The following IRX4 variants were observed in gnomAD, a reference collection of about 807,000 sequenced individuals.
IRX4 encodes iroquois homeobox 4.
A neutral mutation model predicts 32.0 loss-of-function variants in IRX4; 22 were observed. The ratio of observed to expected loss-of-function variants is 0.69; its 90% CI spans 0.49 to 0.98. IRX4 has a LOEUF of 0.98. Ranked by LOEUF, IRX4 falls within the 50% of genes least tolerant of loss-of-function variation. IRX4 has a pLI of 0.00. For synonymous variants in IRX4, 379 were observed against 351.7 expected (o/e 1.08, Z -0.87); for missense variants, 840 against 744.2 (o/e 1.13, Z -1.50).
Position 1,878,131 on chromosome 5 carries a change from G to T in IRX4, c.1398C>A (p.Asp466Glu). The change falls in exon 5 of 5, where the codon GAC (aspartate) becomes GAA (glutamate). Residue 466 changes from aspartate (D) to glutamate (E), a missense_variant. By Grantham distance (45) the Asp-to-Glu change is conservative. Coordinates refer to ENST00000231357, the MANE Select transcript of IRX4 (RefSeq NM_016358.3). Reference protein sequence around the residue: ...AWATAKGALLDPGPLGRSLGA... With the variant: ...AWATAKGALLEPGPLGRSLGA... ...CCAGCGAGCGTCCCAGAGGCCCGGG[G>T]TCCAGGAGGGCGCCCTTGGCGGTGG... 5 of 1,550,464 alleles carry T rather than the reference G, an allele frequency of 3.2e-6. No homozygotes were observed. Among genetic ancestry groups the T allele is most frequent in the Non-Finnish European group, 4.3e-6 (5 of 1,153,332 alleles).
chr5:1,878,394 C>A lies in IRX4; in HGVS notation c.1135G>T (p.Ala379Ser), dbSNP rs1735287244. Residue 379 changes from alanine (A) to serine (S), a missense_variant, in exon 5 of 5, where the codon GCC becomes TCC. By Grantham distance (99) the Ala-to-Ser change is moderately conservative. Around this residue, in one of 3 missense-constraint regions of IRX4, gnomAD observed 585 missense variants for 488.0 expected, o/e 1.20. Transcript: ENST00000231357. ...TGGCTCAGGGAGGTGGCGGCGGCGG[C>A]GGCGGCGGTGGCTGTGTGGGCCAGG... ...WSLAHTATAA[A>S]AAATSLSQTE... The A allele has an allele frequency of 6.5e-7, 1 of 1,527,168 alleles. No individual in the cohort carries two copies. The highest frequency in any genetic ancestry group is 8.8e-7 in the Non-Finnish European group (1 of 1,140,994). 94.6% of individuals were successfully genotyped at this position (1,527,168 alleles called of 1,614,324 possible).
chr5:1,879,411 C>T lies in IRX4; in HGVS notation c.736+93G>A, dbSNP rs140474834. 3.6e-5 allele frequency: 57 copies of T among 1,574,980 alleles called. No homozygotes were observed. In the South Asian group the frequency reaches 5.4e-4, roughly 15 times the overall value. On this transcript the variant is annotated intron_variant, in intron 4 of 4. Coordinates refer to ENST00000231357, the MANE Select transcript of IRX4 (RefSeq NM_016358.3). ...GTGACCGCCTAGGCATGGGGCTCGG[C>T]GTTTGGGACCCCCAAGACGTCCTAG...
At chr5:1,879,853 G>T in intron 3 of IRX4, 21 bp from the exon 4 acceptor site, 1 of 1,612,650 alleles carries the variant, frequency 6.2e-7, no homozygotes, top group Non-Finnish European at 8.5e-7. Flanking sequence ...GCTCTGCAAT[G>T]GGCTCAGGCT....
intron 2 of IRX4, 35 bp downstream of exon 2, chr5:1,881,772 CA>C (rs770280728): frequency 6.4e-7 from 1 of 1,561,608 alleles, no homozygotes; most frequent in South Asian, 1.2e-5. Flanking sequence ...AATCGAGGGC[CA>C]GGGGCAGGGC....
chr5:1,878,565 T>G lies in IRX4; in HGVS notation c.964A>C (p.Arg322=). Residue 322 remains arginine, a synonymous_variant, in exon 5 of 5, where the codon AGG becomes CGG. Transcript: ENST00000231357. ...GGAALDEDLE[R]ARSCLRSAAA... ...GCGCTGCGGAGACAGCTCCGGGCCCTCTCCAGGTCCTCGTCCAGAGCAGCT... is the reference window on the plus strand; with the variant it reads ...GCGCTGCGGAGACAGCTCCGGGCCCGCTCCAGGTCCTCGTCCAGAGCAGCT... The G allele has an allele frequency of 6.5e-7, 1 of 1,543,878 alleles. No individual in the cohort carries two copies. The highest frequency in any genetic ancestry group is 1.2e-5 in the South Asian group (1 of 83,952).
At chr5:1,878,865 C>A in intron 4 of IRX4, 73 bp from the exon 5 acceptor site, 1 of 1,486,812 alleles carries the variant, frequency 6.7e-7, no homozygotes, top group Admixed American at 1.7e-5. Flanking sequence ...CCCCGTCCAC[C>A]ATTATGAGGC....
chr5:1,881,713 T>A, intron 2 of IRX4, 95 bp downstream of exon 2: 3 of 1,472,264 alleles, frequency 2.0e-6, no homozygotes, highest in Non-Finnish European at 2.8e-6. Flanking sequence ...TCTGTGACAG[T>A]CCGGGGACCC....
At chr5:1,886,076 A>G (rs1170026991), upstream of IRX4, among the ~76,000 whole-genome samples, 1 of 152,246 alleles carries the variant, frequency 6.6e-6, no homozygotes, top group Non-Finnish European at 1.5e-5. Context: ...CAGGGGAGGC[A>G]GGGGATGGTC....
chr5:1,880,376 G>C (rs1368062581), intron 3 of IRX4, among the ~76,000 whole-genome samples: 7 of 152,236 alleles, frequency 4.6e-5, no homozygotes, highest in Non-Finnish European at 1.0e-4. Flanking sequence ...TGTAGGGGCA[G>C]TGTGGACACT....
At position 1,879,613 on chromosome 5, in the gene IRX4, C is replaced by T; in HGVS notation, c.627G>A (p.Pro209=). 4 of 1,614,052 alleles carry T rather than the reference C, an allele frequency of 2.5e-6. No homozygotes were observed. Among genetic ancestry groups the T allele is most frequent in the South Asian group, 1.1e-5 (1 of 91,090 alleles). Residue 209 remains proline (P), a synonymous_variant, in exon 4 of 5, where the codon CCG becomes CCA. Transcript: ENST00000231357. ...TCTCGTCTGCGCACTTGTTCCGCGGCGGCCACGTCATCTTGTTCTCCTTCT... is the reference window on the plus strand; with the variant it reads ...TCTCGTCTGCGCACTTGTTCCGCGGTGGCCACGTCATCTTGTTCTCCTTCT... ...RLKKENKMTW[P]PRNKCADEKR...
intron 4 of IRX4, 54 bp downstream of exon 4, chr5:1,879,450 G>A: frequency 6.2e-7 from 1 of 1,611,752 alleles, no homozygotes; most frequent in South Asian, 1.1e-5. Flanking sequence ...CGCAGAGAAG[G>A]CACTGTGCCT....
intron 2 of IRX4, chr5:1,881,169 G>A (rs1364489939): frequency 2.5e-6 from 1 of 392,514 alleles, no homozygotes; most frequent in Non-Finnish European, 4.8e-6. Context: ...GGGGCAGCTG[G>A]GAGAAGGAGT....
Position 1,877,861 on chromosome 5 carries a change from T to G in IRX4, c.*108A>C. 2 of 1,045,436 alleles carry G rather than the reference T, an allele frequency of 1.9e-6. No individual in the cohort carries two copies. Among genetic ancestry groups the G allele is most frequent in the Non-Finnish European group, 2.7e-6 (2 of 732,870 alleles). The allele number at this position is 1,045,436 out of a possible 1,614,324, so 64.8% of individuals were successfully genotyped here. Reference sequence around the variant, plus strand: ...TTCAGAAGCCCCCTCTCCGGTGGGTTGGCGGCTTCGCGGTGGCCGCGCTAG... The same window carrying G: ...TTCAGAAGCCCCCTCTCCGGTGGGTGGGCGGCTTCGCGGTGGCCGCGCTAG... On this transcript the variant is annotated 3_prime_UTR_variant, in exon 5 of 5. Coordinates refer to ENST00000231357, the MANE Select transcript of IRX4 (RefSeq NM_016358.3).
intron 3 of IRX4, 98 bp from the exon 4 acceptor site, chr5:1,879,930 G>C: frequency 1.3e-6 from 2 of 1,553,042 alleles, no homozygotes; most frequent in Non-Finnish European, 1.7e-6. Context: ...GCCAGGATGG[G>C]CTTTGCTTCC....
upstream of IRX4, among the ~76,000 whole-genome samples, chr5:1,885,087 C>T (rs958470873): frequency 1.3e-5 from 2 of 152,196 alleles, no homozygotes; most frequent in Non-Finnish European, 2.9e-5. Context: ...CGACTGTGAG[C>T]ACTCCGCCGG....
rs1414647587 is a variant in IRX4, at chr5:1,879,651, G to A, written c.589C>T (p.Arg197Cys). 1.2e-6 allele frequency: 2 copies of A among 1,614,062 alleles called. No homozygotes were observed. Among genetic ancestry groups the A allele is most frequent in the African/African-American group, 1.3e-5 (1 of 74,952 alleles). The change falls in exon 4 of 5, where the codon CGC becomes TGC. Residue 197 changes from arginine to cysteine, a missense_variant. This residue lies in a region of IRX4 where 585 missense variants were observed against 488.0 expected (regional missense o/e 1.20). Transcript: ENST00000231357. ...TQVSTWFANA[R>C]RRLKKENKMT... Reference sequence around the variant, plus strand: ...TTGTTCTCCTTCTTGAGGCGCCGGCGCGCGTTGGCGAACCAGGTGGAGACC... The same window carrying A: ...TTGTTCTCCTTCTTGAGGCGCCGGCACGCGTTGGCGAACCAGGTGGAGACC...
Position 1,881,919 on chromosome 5 carries a change from G to T in IRX4, c.186C>A (p.His62Gln). 1 of 1,579,758 alleles carries T rather than the reference G, an allele frequency of 6.3e-7. No individual in the cohort carries two copies. The change falls in exon 2 of 5, where the codon CAC becomes CAA. Residue 62 changes from histidine to glutamine, a missense_variant. Coordinates refer to ENST00000231357, the MANE Select transcript of IRX4 (RefSeq NM_016358.3). Reference sequence around the variant, plus strand: ...CCAGCGCCGCGGCCGAGTTGAGCTCGTGGCGCGCGGTGGCCAGCAGCCGGC... The same window carrying T: ...CCAGCGCCGCGGCCGAGTTGAGCTCTTGGCGCGCGGTGGCCAGCAGCCGGC... ...YESRLLATAR[H>Q]ELNSAAALGV... is the part of the protein sequence containing the mutation.
chr5:1,878,272 G>T lies in IRX4; in HGVS notation c.1257C>A (p.Pro419=), dbSNP rs1289048840. 22 of 1,601,754 alleles carry T rather than the reference G, an allele frequency of 1.4e-5. No individual in the cohort carries two copies. The highest frequency in any genetic ancestry group is 1.7e-5 in the Non-Finnish European group (20 of 1,175,364). ...GGTGCCTGTCCAGGGCGCCAGAGTG[G>T]GGAAGGGCCACAGACGGGGACGTGG... is the stretch of plus-strand genomic sequence containing the variant. ...APATSPSVAL[P]HSGALDRHQD... is the part of the protein sequence containing the mutation. Residue 419 remains proline, a synonymous_variant, in exon 5 of 5, where the codon CCC becomes CCA. Coordinates refer to ENST00000231357, the MANE Select transcript of IRX4 (RefSeq NM_016358.3).
At chr5:1,885,849 A>G (rs1011881821), upstream of IRX4, among the ~76,000 whole-genome samples, 2 of 152,278 alleles carry the variant, frequency 1.3e-5, no homozygotes, top group Non-Finnish European at 2.9e-5. Flanking sequence ...TAGGACGCTC[A>G]GCATCTCAGG....
Sources: gnomAD v4.1 joint callset for allele counts (sites outside exome capture counted in the v4.1 genomes callset) on GRCh38, gnomAD v4.1.1 for gene constraint, gnomAD v4.1.1 regional missense constraint, MANE v1.5 for transcripts, NCBI Gene and HGNC (gene_info 2026-07-23, HGNC 2026-07-21) for gene names.